ENTPD6: variants seen among roughly 807,000 people sequenced by gnomAD.
ENTPD6 encodes the protein CD39 antigen-like 2.
In ENTPD6, 46 loss-of-function variants were observed where a neutral mutation model predicts 61.5. The observed-to-expected ratio is 0.75, with a 90% CI of 0.59 to 0.96. The LOEUF is 0.96. ENTPD6 is among the 40% of genes least tolerant of loss of function. ENTPD6 has a pLI of 0.00. For synonymous variants in ENTPD6, 252 were observed against 255.5 expected, an observed-to-expected ratio of 0.99 and a Z score of 0.13; for missense variants, 612 against 629.0, an observed-to-expected ratio of 0.97 and a Z score of 0.29.
intron 5 of ENTPD6, 144 bp downstream of exon 5, chr20:25,213,550 G>A: frequency 1.3e-6 from 1 of 748,376 alleles, no homozygotes; most frequent in South Asian, 1.9e-5. Context: ...CTTTTAGGTG[G>A]AGGGATGGTG....
chr20:25,195,821 G>A lies in ENTPD6; in HGVS notation c.-62G>A. 8.1e-7 allele frequency: 1 copy of A among 1,240,872 alleles called. No individual in the cohort carries two copies. The highest frequency in any genetic ancestry group is 1.0e-6 in the Non-Finnish European group (1 of 989,052). 76.9% of individuals were successfully genotyped at this position (1,240,872 alleles called of 1,614,324 possible). A position where few individuals can be genotyped will look rare whatever the true frequency, so the allele number is the denominator to read the frequency against. The stretch of plus-strand genomic sequence containing the variant: ...AAGACCGGCTGCCGCCTGCTCCCCG[G>A]AAAAGGGCACTCGTCTCCGTGGGTG... On this transcript the variant is annotated 5_prime_UTR_variant, in exon 1 of 15. Coordinates refer to ENST00000376652, the MANE Select transcript of ENTPD6 (RefSeq NM_001247.5).
intron 1 of ENTPD6, among the ~76,000 whole-genome samples, chr20:25,197,594 A>G (rs981043452): frequency 1.6e-4 from 24 of 152,228 alleles, no homozygotes; most frequent in Non-Finnish European, 7.3e-5. Flanking sequence ...TGTCTCAGCC[A>G]TGGGCAAACA....
At chr20:25,222,705 C>A in intron 11 of ENTPD6, 133 bp from the exon 12 acceptor site, 1 of 1,249,438 alleles carries the variant, frequency 8.0e-7, no homozygotes, top group Non-Finnish European at 1.1e-6. Flanking sequence ...GGGGTGGGGT[C>A]TTACAGGCTT....
intron 1 of ENTPD6, among the ~76,000 whole-genome samples, chr20:25,199,751 C>G (rs924102526): frequency 4.6e-5 from 7 of 152,170 alleles, no homozygotes; most frequent in African/African-American, 7.2e-5. Context: ...TTGTGACTGG[C>G]TTATTTCACT....
At chr20:25,203,191 GC>G (rs144361381) in intron 1 of ENTPD6, among the ~76,000 whole-genome samples, 1,685 of 152,190 alleles carry the variant, frequency 0.011, 34 homozygotes, top group African/African-American at 0.039. Context: ...CCATTCTTTT[GC>G]TGCTTTCAAT....
In ENTPD6 at chr20:25,224,146, C is replaced by T. The variant is rs754888579; in HGVS notation, c.1232C>T (p.Ala411Val). Residue 411 changes from alanine (A) to valine (V), a missense_variant, in exon 13 of 15, where the codon GCA becomes GTA. By Grantham distance (64) the Ala-to-Val change is moderately conservative. Coordinates refer to ENST00000376652, the MANE Select transcript of ENTPD6 (RefSeq NM_001247.5). ...GSLVVGDFEI[A>V]AKYVCRTLET... ...CTGGTGGTGGGGGACTTCGAGATCG[C>T]AGCCAAGTACGGTGAGTGATGCTGC... The T allele has an allele frequency of 2.9e-5, 46 of 1,611,972 alleles. No individual in the cohort carries two copies. Among genetic ancestry groups the T allele is most frequent in the Non-Finnish European group, 3.6e-5 (43 of 1,179,160 alleles).
chr20:25,210,178 C>T (rs189984648), intron 4 of ENTPD6, among the ~76,000 whole-genome samples: 59 of 152,302 alleles, frequency 3.9e-4, no homozygotes, highest in Non-Finnish European at 7.6e-4. Context: ...GTGGGGGTCC[C>T]GAGGTCTTGG....
At chr20:25,199,153 C>T (rs552691574) in intron 1 of ENTPD6, among the ~76,000 whole-genome samples, 10 of 152,150 alleles carry the variant, frequency 6.6e-5, no homozygotes, top group Non-Finnish European at 1.5e-4. Flanking sequence ...CTGGTCCCTA[C>T]TCCTGGAGTA....
chr20:25,215,044 T>G, intron 6 of ENTPD6, 102 bp downstream of exon 6: 1 of 767,824 alleles, frequency 1.3e-6, no homozygotes, highest in Non-Finnish European at 2.3e-6. Flanking sequence ...CCGCCCCATG[T>G]GGGAGCCTCC....
chr20:25,204,510 C>T (rs982362458), intron 1 of ENTPD6, among the ~76,000 whole-genome samples: 1 of 152,086 alleles, frequency 6.6e-6, no homozygotes, highest in African/African-American at 2.4e-5. Flanking sequence ...CAAAGTCTCC[C>T]CCAGTCCCTC....
At chr20:25,213,762 C>G (rs1449563714) in intron 5 of ENTPD6, among the ~76,000 whole-genome samples, 1 of 152,136 alleles carries the variant, frequency 6.6e-6, no homozygotes, top group Non-Finnish European at 1.5e-5. Context: ...CCAGCCTGGC[C>G]AACATAGCAA....
At position 25,217,619 on chromosome 20, in the gene ENTPD6, G is replaced by A. The variant is rs777841582; in HGVS notation, c.878+38G>A. On this transcript the variant is annotated intron_variant, in intron 9 of 14. Transcript: ENST00000376652. ...GAACAGGCGTGGGGAGGCGCCATGG[G>A]GTGGGTATGCAGCTCCCAGGGCCTC... 7.0e-6 allele frequency: 11 copies of A among 1,581,490 alleles called. No individual in the cohort carries two copies. The Admixed American group carries it at 1.7e-4, about 24-fold the overall frequency.
intron 11 of ENTPD6, chr20:25,222,516 G>A (rs183352632): frequency 1.6e-4 from 43 of 267,236 alleles, no homozygotes; most frequent in Middle Eastern, 1.2e-3. Context: ...GAGGGGGAAT[G>A]TAGGGCAGAT....
At position 25,217,584 on chromosome 20, in the gene ENTPD6, C is replaced by T. The variant is rs1249610438; in HGVS notation, c.878+3C>T. The T allele has an allele frequency of 6.2e-7, 1 of 1,613,884 alleles. No homozygotes were observed. The highest frequency in any genetic ancestry group is 8.5e-7 in the Non-Finnish European group (1 of 1,179,888). The stretch of plus-strand genomic sequence containing the variant: ...ACCTACAAGCTCTATTCCTACAGGT[C>T]TGCTTTCGGGAACAGGCGTGGGGAG... On this transcript the variant is annotated splice_donor_region_variant and intron_variant, in intron 9 of 14. Coordinates refer to ENST00000376652, the MANE Select transcript of ENTPD6 (RefSeq NM_001247.5).
intron 13 of ENTPD6, 128 bp from the exon 14 acceptor site, chr20:25,225,077 G>T (rs767602912): frequency 3.9e-5 from 56 of 1,431,866 alleles, no homozygotes; most frequent in Non-Finnish European, 4.3e-5. Flanking sequence ...CTCAGCTGCG[G>T]CCTTGTCTGT....
chr20:25,216,808 C>A, intron 8 of ENTPD6, 72 bp downstream of exon 8: 1 of 1,214,784 alleles, frequency 8.2e-7, no homozygotes, highest in Non-Finnish European at 1.2e-6. Flanking sequence ...CAGGGTGGGG[C>A]CTGCTGAGGT....
chr20:25,227,037 G>T lies in ENTPD6; in HGVS notation c.*1440G>T, dbSNP rs6083783. Among the ~76,000 whole-genome samples, 1 of 152,250 alleles carries T rather than the reference G, an allele frequency of 6.6e-6. No individual in the cohort carries two copies. Among genetic ancestry groups the T allele is most frequent in the Non-Finnish European group, 1.5e-5 (1 of 68,042 alleles). On this transcript the variant is annotated 3_prime_UTR_variant, in exon 15 of 15. Transcript: ENST00000376652. ...GCAAGTCCCCATGTCATTCTGTTCA[G>T]CAAGGATCTGGTTTTGGTCTGGAAG...
At position 25,197,067 on chromosome 20, in the gene ENTPD6, G is replaced by A. The variant is rs76697338; in HGVS notation, c.-16+1200G>A. On this transcript the variant is annotated intron_variant, in intron 1 of 14. Coordinates refer to ENST00000376652, the MANE Select transcript of ENTPD6 (RefSeq NM_001247.5). ...ACCTACTGAAACCCACCAGGAGGATGAGTGGAAGTTTCTAATGTGCTTCAT... is the reference window on the plus strand; with the variant it reads ...ACCTACTGAAACCCACCAGGAGGATAAGTGGAAGTTTCTAATGTGCTTCAT... 20,118 of 985,150 alleles carry A rather than the reference G, an allele frequency of 0.02. 1,738 individuals are homozygous for A. The African/African-American group carries it at 0.24, about 12-fold the overall frequency. The allele number at this position is 985,150 out of a possible 1,614,324, so 61.0% of individuals were successfully genotyped here. A position where few individuals can be genotyped will look rare whatever the true frequency, so the allele number is the denominator to read the frequency against.
chr20:25,218,520 G>T (rs372001832), intron 9 of ENTPD6, 30 bp from the exon 10 acceptor site: 179 of 1,584,432 alleles, frequency 1.1e-4, no homozygotes, highest in Middle Eastern at 6.6e-4. Context: ...TGCCATGGCA[G>T]CTGCCCTCAC....
Sources: allele counts gnomAD v4.1 joint callset (sites outside exome capture counted in the v4.1 genomes callset), GRCh38; gene constraint gnomAD v4.1.1; transcripts MANE v1.5; gene names NCBI Gene and HGNC (gene_info 2026-07-23, HGNC 2026-07-21).